Variants in C14orf180 observed in about 807,000 individuals in gnomAD.
C14orf180 encodes the protein chromosome 14 open reading frame 180.
C14orf180 carries 13 observed loss-of-function variants against 13.9 expected under a neutral mutation model. The observed-to-expected ratio is 0.94, with a 90% CI of 0.61 to 1.49. The LOEUF (loss-of-function observed/expected upper bound fraction) is 1.49, where lower values mean the gene tolerates loss of function less well. Ranked by LOEUF, C14orf180 falls within the 40% of genes most tolerant of loss-of-function variation. The pLI is 0.00. For missense variants in C14orf180, 238 were observed against 232.0 expected (o/e 1.03, Z -0.17); for synonymous variants, 113 against 106.3 (o/e 1.06, Z -0.39).
chr14:104,589,062 T>C lies in C14orf180; in HGVS notation c.*279T>C. The C allele has an allele frequency of 1.6e-6, 1 of 618,644 alleles. No homozygotes were observed. The highest frequency in any genetic ancestry group is 2.6e-6 in the Non-Finnish European group (1 of 380,008). The allele number at this position is 618,644 out of a possible 1,614,324, so 38.3% of individuals were successfully genotyped here. On this transcript the variant is annotated 3_prime_UTR_variant, in exon 5 of 5. Transcript: ENST00000557649. The surrounding 1 kb of genome is among the most constrained non-coding windows in gnomAD (Gnocchi z 4.9). ...GAAAGAGGATTCGACTGCTAACAGT[T>C]GAGGCTCCCCAGGCTCACCCAAAGA...
chr14:104,585,263 G>T (rs996580787), intron 1 of C14orf180, among the ~76,000 whole-genome samples: 36 of 152,340 alleles, frequency 2.4e-4, no homozygotes, highest in African/African-American at 7.0e-4. Context: ...GCAGGGCAGG[G>T]AGGACCTGGC....
In C14orf180 at chr14:104,584,326, C is replaced by G. The variant is rs73361807; in HGVS notation, c.-16-2089C>G. ...AGGAAATGACCCCGAATGCACAAGC[C>G]TCCTTCCGCCGGGCAGTGGGAGAGC... is the stretch of plus-strand genomic sequence containing the variant. On this transcript the variant is annotated intron_variant, in intron 1 of 4. Coordinates refer to ENST00000557649, the MANE Select transcript of C14orf180 (RefSeq NM_001008404.3). Among the ~76,000 whole-genome samples the G allele has an allele frequency of 7.7e-3, 1,179 of 152,340 alleles. 15 individuals are homozygous for G. The highest frequency in any genetic ancestry group is 0.024 in the African/African-American group (1,009 of 41,562).
At chr14:104,585,814 G>A (rs73361813) in intron 1 of C14orf180, among the ~76,000 whole-genome samples, 9,427 of 152,082 alleles carry the variant, frequency 0.062, 1,007 homozygotes, top group African/African-American at 0.22. Flanking sequence ...CAGAATCGGC[G>A]GGGGCGCGGT....
Position 104,588,854 on chromosome 14 carries a change from G to A in C14orf180, c.*71G>A. 1 of 1,510,856 alleles carries A rather than the reference G, an allele frequency of 6.6e-7. No individual in the cohort carries two copies. Among genetic ancestry groups the A allele is most frequent in the Non-Finnish European group, 8.8e-7 (1 of 1,130,708 alleles). The allele number at this position is 1,510,856 out of a possible 1,614,324, so 93.6% of individuals were successfully genotyped here. The stretch of plus-strand genomic sequence containing the variant: ...CACTCCGGGGGCTCCGAGACAGCCT[G>A]AGCCCTGGCCCTGCTGCTTGGTGAA... On this transcript the variant is annotated 3_prime_UTR_variant, in exon 5 of 5. Coordinates refer to ENST00000557649, the MANE Select transcript of C14orf180 (RefSeq NM_001008404.3).
Position 104,590,034 on chromosome 14 carries a change from CT to C in C14orf180, c.*1254del, listed in dbSNP as rs2014745770. 6.6e-6 allele frequency: 1 copy of C among 152,220 alleles called. No individual in the cohort carries two copies. The highest frequency in any genetic ancestry group is 1.5e-5 in the Non-Finnish European group (1 of 68,048). 9.4% of individuals were successfully genotyped at this position (152,220 alleles called of 1,614,324 possible). A position where few individuals can be genotyped will look rare whatever the true frequency, so the allele number is the denominator to read the frequency against. Reference sequence around the variant, plus strand: ...TCTTGAGGGATGCCCGGCCGGCTCCCTTTGCCCTGCAGTCAGGGTGTGTCCC... The same window carrying C: ...TCTTGAGGGATGCCCGGCCGGCTCCCTTGCCCTGCAGTCAGGGTGTGTCCC... On this transcript the variant is annotated 3_prime_UTR_variant, in exon 5 of 5. Coordinates refer to ENST00000557649, the MANE Select transcript of C14orf180 (RefSeq NM_001008404.3).
In C14orf180 at chr14:104,588,835, G is replaced by C. The variant is rs186046463; in HGVS notation, c.*52G>C. The C allele has an allele frequency of 6.6e-7, 1 of 1,522,366 alleles. No individual in the cohort carries two copies. The highest frequency in any genetic ancestry group is 8.8e-7 in the Non-Finnish European group (1 of 1,138,924). The allele number at this position is 1,522,366 out of a possible 1,614,324, so 94.3% of individuals were successfully genotyped here. On this transcript the variant is annotated 3_prime_UTR_variant, in exon 5 of 5. Transcript: ENST00000557649. Reference sequence around the variant, plus strand: ...GCTTCCAGGAGAGCTCAAGCACTCCGGGGGCTCCGAGACAGCCTGAGCCCT... The same window carrying C: ...GCTTCCAGGAGAGCTCAAGCACTCCCGGGGCTCCGAGACAGCCTGAGCCCT...
intron 1 of C14orf180, among the ~76,000 whole-genome samples, chr14:104,584,497 A>G (rs1886548045): frequency 6.6e-6 from 1 of 152,148 alleles, no homozygotes; most frequent in Admixed American, 6.5e-5. Context: ...CCTGCTACGG[A>G]CAGGCAGTCA....
chr14:104,586,886 G>A (rs1234219395), intron 2 of C14orf180, among the ~76,000 whole-genome samples: 2 of 152,186 alleles, frequency 1.3e-5, no homozygotes, highest in Non-Finnish European at 2.9e-5. Flanking sequence ...CCAAGGGTCA[G>A]TGTTAGGGTT....
At chr14:104,584,409 T>C (rs1412892090) in intron 1 of C14orf180, among the ~76,000 whole-genome samples, 1 of 152,142 alleles carries the variant, frequency 6.6e-6, no homozygotes, top group Admixed American at 6.5e-5. Context: ...AACCCCACCC[T>C]GGGCTTTAGC....
chr14:104,583,151 C>T (rs577909684), intron 1 of C14orf180, among the ~76,000 whole-genome samples: 2 of 152,016 alleles, frequency 1.3e-5, no homozygotes, highest in African/African-American at 4.8e-5. Flanking sequence ...GAGGGGACCG[C>T]GGAGCTCAGG....
intron 1 of C14orf180, among the ~76,000 whole-genome samples, chr14:104,584,847 G>C (rs983403640): frequency 6.6e-6 from 1 of 152,220 alleles, no homozygotes; most frequent in African/African-American, 2.4e-5. Context: ...ATCATTAACA[G>C]GGCACTCTGC....
rs947794468 is a variant in C14orf180 at position 104,587,679 on chromosome 14, A to G, written c.112-70A>G. 3.2e-6 allele frequency: 5 copies of G among 1,544,840 alleles called. No homozygotes were observed. In the African/African-American group the frequency reaches 5.5e-5, roughly 17 times the overall value. On this transcript the variant is annotated intron_variant, in intron 2 of 4. Transcript: ENST00000557649. Reference sequence around the variant, plus strand: ...CCAGGACGGTGCTGCTGGGCCCCACATGGCTCAGACCTGGGTACCAGCGGC... The same window carrying G: ...CCAGGACGGTGCTGCTGGGCCCCACGTGGCTCAGACCTGGGTACCAGCGGC...
chr14:104,588,784 C>T lies in C14orf180; in HGVS notation c.*1C>T, dbSNP rs754054962. 253 of 486,712 alleles carry T rather than the reference C, an allele frequency of 5.2e-4. No individual in the cohort carries two copies. Among genetic ancestry groups the T allele is most frequent in the African/African-American group, 6.8e-4 (3 of 4,420 alleles). The allele number at this position is 486,712 out of a possible 1,614,324, so 30.1% of individuals were successfully genotyped here. A position where few individuals can be genotyped will look rare whatever the true frequency, so the allele number is the denominator to read the frequency against. The stretch of plus-strand genomic sequence containing the variant: ...CTGGCGCGGCCTCCTGCGGCTCTGA[C>T]GGGCAGGACGGGCAGGACGGGCAGG... On this transcript the variant is annotated 3_prime_UTR_variant, in exon 5 of 5. Transcript: ENST00000557649.
At chr14:104,588,547 G>T (rs1029654490) in intron 4 of C14orf180, 31 bp from the exon 5 acceptor site, 7 of 1,441,904 alleles carry the variant, frequency 4.9e-6, no homozygotes, top group South Asian at 4.4e-5. Flanking sequence ...CGCGCTGGCT[G>T]GCGCTGACCC....
At chr14:104,580,842 CCTGT>C (rs1886409855) in intron 1 of C14orf180, among the ~76,000 whole-genome samples, 2 of 152,254 alleles carry the variant, frequency 1.3e-5, no homozygotes. Context: ...GGTCCCCCGC[CCTGT>C]CTGTCTGGAG....
chr14:104,584,136 C>T (rs1886532603), intron 1 of C14orf180, among the ~76,000 whole-genome samples: 1 of 152,246 alleles, frequency 6.6e-6, no homozygotes, highest in African/African-American at 2.4e-5. Context: ...GGGGAGACTG[C>T]GTCCAGCCCT....
At chr14:104,587,617 C>T (rs1218697759) in intron 2 of C14orf180, 132 bp from the exon 3 acceptor site, 5 of 919,240 alleles carry the variant, frequency 5.4e-6, no homozygotes, top group South Asian at 1.8e-5. Context: ...AAGTGACAGG[C>T]CCAGCATAGC....
chr14:104,584,345 G>A (rs1472362956), intron 1 of C14orf180, among the ~76,000 whole-genome samples: 2 of 152,196 alleles, frequency 1.3e-5, no homozygotes, highest in African/African-American at 4.8e-5. Flanking sequence ...CCGGGCAGTG[G>A]GAGAGCCCGG....
chr14:104,588,312 G>C lies in C14orf180; in HGVS notation c.277+3G>C. 2 of 1,613,952 alleles carry C rather than the reference G, an allele frequency of 1.2e-6. No individual in the cohort carries two copies. Among genetic ancestry groups the C allele is most frequent in the Non-Finnish European group, 1.7e-6 (2 of 1,180,008 alleles). On this transcript the variant is annotated splice_donor_region_variant and intron_variant, in intron 4 of 4. Transcript: ENST00000557649. ...GAACGCCACAGCCACTGTCAGGGGTGAGTTCTGAGCCCACATCCCTGTGCC... is the reference window on the plus strand; with the variant it reads ...GAACGCCACAGCCACTGTCAGGGGTCAGTTCTGAGCCCACATCCCTGTGCC...
Sources: gnomAD v4.1 joint callset for allele counts (sites outside exome capture counted in the v4.1 genomes callset) on GRCh38, gnomAD v4.1.1 for gene constraint, Gnocchi (gnomAD v3.1) non-coding constraint, MANE v1.5 for transcripts, NCBI Gene and HGNC (gene_info 2026-07-23, HGNC 2026-07-21) for gene names.